UBE2V1: variants seen among roughly 807,000 people sequenced by gnomAD.
UBE2V1 encodes the protein ubiquitin-conjugating enzyme E2 variant 1.
A neutral mutation model predicts 19.6 loss-of-function variants in UBE2V1; 15 were observed. The observed-to-expected ratio is 0.77, with a 90% CI of 0.51 to 1.18. UBE2V1 has a LOEUF of 1.18. Among genes scored for constraint, UBE2V1 ranks in the 50% most tolerant of loss-of-function variants. The pLI is 0.00. For missense variants in UBE2V1, 125 were observed against 184.8 expected (o/e 0.68, Z 1.88); for synonymous variants, 60 against 60.7 (o/e 0.99, Z 0.05).
At chr20:50,113,220 T>TACGCCGCCGCTG, upstream of UBE2V1, 1 of 1,003,988 alleles carries the variant, frequency 1.0e-6, no homozygotes, top group Non-Finnish European at 1.3e-6. Flanking sequence ...CGCACGCACA[T>TACGCCGCCGCTG]ACGCCGCCGC....
chr20:50,082,610 T>C lies in UBE2V1; in HGVS notation c.*158A>G. On this transcript the variant is annotated 3_prime_UTR_variant, in exon 4 of 4. Coordinates refer to ENST00000371674, the MANE Select transcript of UBE2V1 (RefSeq NM_001032288.3). ...TCAAATGGACAAAAAATTAGTATCA[T>C]TTACAGTATCTTAAGATAAATTTCC... The C allele has an allele frequency of 9.1e-6, 12 of 1,320,622 alleles. No homozygotes were observed. The highest frequency in any genetic ancestry group is 1.5e-5 in the African/African-American group (1 of 67,600). The allele number at this position is 1,320,622 out of a possible 1,614,324, so 81.8% of individuals were successfully genotyped here.
intron 1 of UBE2V1, among the ~76,000 whole-genome samples, chr20:50,099,298 T>G (rs1401500298): frequency 2.6e-5 from 4 of 152,332 alleles, no homozygotes; most frequent in African/African-American, 9.6e-5. Context: ...GACACCTTGA[T>G]CTTGGGCTTC....
intron 2 of UBE2V1, among the ~76,000 whole-genome samples, chr20:50,092,429 G>A (rs2079296429): frequency 6.6e-6 from 1 of 152,174 alleles, no homozygotes; most frequent in South Asian, 2.1e-4. Flanking sequence ...AGGATCAAGC[G>A]TTGCCTAGAC....
rs1263009057 is a variant in UBE2V1, at chr20:50,084,114, G to C, written c.297+15C>G. 2 of 1,562,384 alleles carry C rather than the reference G, an allele frequency of 1.3e-6. No individual in the cohort carries two copies. The highest frequency in any genetic ancestry group is 4.0e-5 in the Admixed American group (2 of 50,290). On this transcript the variant is annotated intron_variant, in intron 3 of 3. Coordinates refer to ENST00000371674, the MANE Select transcript of UBE2V1 (RefSeq NM_001032288.3). ...TCAACTCCAAGGAACAAGTGGGACA[G>C]AGAAAACAACTTACCACTCCATTAG... is the stretch of plus-strand genomic sequence containing the variant.
chr20:50,109,033 C>G (rs142171024), intron 1 of UBE2V1: 54 of 985,278 alleles, frequency 5.5e-5, no homozygotes, highest in Non-Finnish European at 6.4e-5. Context: ...GGCTCTAGTC[C>G]GAGCATCACC....
chr20:50,082,943 C>T, intron 3 of UBE2V1, 29 bp from the exon 4 acceptor site: 2 of 1,597,212 alleles, frequency 1.3e-6, no homozygotes, highest in Non-Finnish European at 1.7e-6. Context: ...AAGCAAATTA[C>T]TCTCAGACTC....
chr20:50,092,283 C>T (rs1449124457), intron 2 of UBE2V1, among the ~76,000 whole-genome samples: 3 of 152,156 alleles, frequency 2.0e-5, no homozygotes, highest in African/African-American at 7.2e-5. Flanking sequence ...AATCACGCCA[C>T]TGCACTCCAC....
At chr20:50,085,755 C>T (rs2078878163) in intron 2 of UBE2V1, among the ~76,000 whole-genome samples, 1 of 152,108 alleles carries the variant, frequency 6.6e-6, no homozygotes, top group South Asian at 2.1e-4. Flanking sequence ...AAACTACAAC[C>T]AAACCAAAAC....
intron 2 of UBE2V1, among the ~76,000 whole-genome samples, chr20:50,093,390 T>C (rs2079358130): frequency 6.6e-6 from 1 of 152,252 alleles, no homozygotes; most frequent in South Asian, 2.1e-4. Flanking sequence ...ATATTCGAGT[T>C]ACACAGCAAA....
chr20:50,113,219 A>T (rs574815920), upstream of UBE2V1: 2 of 1,003,242 alleles, frequency 2.0e-6, no homozygotes, highest in South Asian at 4.2e-5. Flanking sequence ...GCGCACGCAC[A>T]TACGCCGCCG....
intron 1 of UBE2V1, among the ~76,000 whole-genome samples, chr20:50,097,969 A>G (rs1376319550): frequency 1.3e-5 from 2 of 152,260 alleles, no homozygotes; most frequent in Non-Finnish European, 2.9e-5. Context: ...AAGAACAAGC[A>G]GTGAATAAAA....
intron 1 of UBE2V1, chr20:50,109,116 GGA>G (rs2080576627): frequency 7.1e-6 from 7 of 985,424 alleles, no homozygotes; most frequent in Non-Finnish European, 8.4e-6. Context: ...ACCAGGCTGT[GGA>G]GAGTTAGATG....
At chr20:50,087,528 G>A (rs989973235) in intron 2 of UBE2V1, among the ~76,000 whole-genome samples, 2 of 152,138 alleles carry the variant, frequency 1.3e-5, no homozygotes, top group African/African-American at 4.8e-5. Flanking sequence ...GTGCCTGAAG[G>A]AGAATTGCTG....
At chr20:50,091,203 C>A (rs990549526) in intron 2 of UBE2V1, among the ~76,000 whole-genome samples, 1 of 151,966 alleles carries the variant, frequency 6.6e-6, no homozygotes, top group Non-Finnish European at 1.5e-5. Context: ...TGCATCACTA[C>A]GCCCAGCTAA....
In UBE2V1 at chr20:50,096,381, G is replaced by A. The variant is rs11907164; in HGVS notation, c.171+291C>T. ...AGGGCCTAGTTATTTGGTTAGCCCA[G>A]AGATTGTTCTGAACGACATCTGATG... On this transcript the variant is annotated intron_variant, in intron 2 of 3. Transcript: ENST00000371674. 604 of 527,508 alleles carry A rather than the reference G, an allele frequency of 1.1e-3. 1 individual carries two copies. The highest frequency in any genetic ancestry group is 0.01 in the African/African-American group (523 of 51,416). 32.7% of individuals were successfully genotyped at this position (527,508 alleles called of 1,614,324 possible).
chr20:50,091,326 G>A (rs1431296764), intron 2 of UBE2V1, among the ~76,000 whole-genome samples: 3 of 151,212 alleles, frequency 2.0e-5, no homozygotes, highest in East Asian at 1.9e-4. Flanking sequence ...GATTACAGGC[G>A]TGAATCACCA....
chr20:50,096,778 T>C lies in UBE2V1; in HGVS notation c.65A>G (p.Glu22Gly). 6.2e-7 allele frequency: 1 copy of C among 1,614,146 alleles called. No homozygotes were observed. Among genetic ancestry groups the C allele is most frequent in the Non-Finnish European group, 8.5e-7 (1 of 1,179,992 alleles). Residue 22 changes from glutamate (E) to glycine (G), a missense_variant, in exon 2 of 4, where the codon GAA (glutamate) becomes GGA (glycine). Glu to Gly is a moderately conservative substitution (Grantham distance 98, BLOSUM62 -2). Around this residue, in one of 3 missense-constraint regions of UBE2V1, gnomAD observed 19 missense variants for 53.5 expected, o/e 0.35. Coordinates refer to ENST00000371674, the MANE Select transcript of UBE2V1 (RefSeq NM_001032288.3). ...PRNFRLLEEL[E>G]EGQKGVGDGT... is the part of the protein sequence containing the mutation. The stretch of plus-strand genomic sequence containing the variant: ...ATCTCCTACTCCTTTCTGGCCTTCT[T>C]CGAGTTCTTCCAACAGTCGGAAATT...
At chr20:50,093,913 G>A (rs1458680550) in intron 2 of UBE2V1, among the ~76,000 whole-genome samples, 10 of 145,620 alleles carry the variant, frequency 6.9e-5, no homozygotes, top group Non-Finnish European at 9.0e-5. Flanking sequence ...GCTTGAATCC[G>A]GGAGGTGGAG....
intron 2 of UBE2V1, among the ~76,000 whole-genome samples, chr20:50,092,394 G>A (rs1453088391): frequency 6.6e-6 from 1 of 152,096 alleles, no homozygotes; most frequent in Non-Finnish European, 1.5e-5. Context: ...GGCCATTTTT[G>A]CCCCTCTGCT....
Sources: allele counts gnomAD v4.1 joint callset (sites outside exome capture counted in the v4.1 genomes callset), GRCh38; gene constraint gnomAD v4.1.1; regional missense constraint gnomAD v4.1.1; transcripts MANE v1.5; gene names NCBI Gene and HGNC (gene_info 2026-07-23, HGNC 2026-07-21).